Variants in LEKR1 observed in about 807,000 individuals in gnomAD.
LEKR1 encodes leucine, glutamate and lysine rich 1.
In LEKR1, 59 loss-of-function variants were observed where a neutral mutation model predicts 72.4. The ratio of observed to expected loss-of-function variants is 0.82; its 90% confidence interval spans 0.66 to 1.01. The LOEUF (loss-of-function observed/expected upper bound fraction) is 1.01, where lower values mean the gene tolerates loss of function less well. LEKR1 is among the 50% of genes least tolerant of loss of function. The probability of loss-of-function intolerance (pLI) is 0.00; values close to 1 mark genes in which losing one functional copy is unlikely to be tolerated. For missense variants in LEKR1, 728 were observed against 759.2 expected, an observed-to-expected ratio of 0.96 and a Z score of 0.48; for synonymous variants, 257 against 263.2, an observed-to-expected ratio of 0.98 and a Z score of 0.23.
At position 157,016,418 on chromosome 3, in the gene LEKR1, T is replaced by C. The variant is rs115001072; in HGVS notation, c.1203+4912T>C. Reference sequence around the variant, plus strand: ...CAATGCAAGCAAAAAGATAGTAGGATTGAAAGTACTAGAAGAAAGTTAGGG... The same window carrying C: ...CAATGCAAGCAAAAAGATAGTAGGACTGAAAGTACTAGAAGAAAGTTAGGG... On this transcript the variant is annotated intron_variant, in intron 10 of 12. Transcript: ENST00000356539. Among the ~76,000 whole-genome samples the C allele has an allele frequency of 3.6e-3, 545 of 152,098 alleles. 2 individuals are homozygous for C. The highest frequency in any genetic ancestry group is 0.013 in the African/African-American group (523 of 41,514).
intron 7 of LEKR1, among the ~76,000 whole-genome samples, chr3:156,984,943 A>T (rs568276615): frequency 6.2e-4 from 94 of 152,068 alleles, no homozygotes; most frequent in South Asian, 4.2e-4. Context: ...TTATTGAGAT[A>T]TAAATATCAG....
chr3:156,879,838 T>G (rs915416599), intron 3 of LEKR1, among the ~76,000 whole-genome samples: 1 of 152,196 alleles, frequency 6.6e-6, no homozygotes, highest in Non-Finnish European at 1.5e-5. Context: ...GCCCCAAGCC[T>G]TGGCAGCTTC....
chr3:156,863,669 G>A (rs1016633565), intron 3 of LEKR1, among the ~76,000 whole-genome samples: 1 of 152,016 alleles, frequency 6.6e-6, no homozygotes, highest in African/African-American at 2.4e-5. Context: ...AGATGGCTAA[G>A]CAAACACAAA....
At chr3:156,979,414 G>A in intron 7 of LEKR1, 139 bp downstream of exon 7, 4 of 357,124 alleles carry the variant, frequency 1.1e-5, no homozygotes, top group Admixed American at 1.1e-4. Context: ...ATTTACTGGT[G>A]TGGGTAATAG....
Position 156,942,688 on chromosome 3 carries a change from GCTATGATTTGC to G in LEKR1, c.720_730del (p.Cys240Ter). The G allele has an allele frequency of 8.0e-7, 1 of 1,255,028 alleles. No individual in the cohort carries two copies. Among genetic ancestry groups the G allele is most frequent in the Admixed American group, 2.9e-5 (1 of 34,868 alleles). The allele number at this position is 1,255,028 out of a possible 1,614,324, so 77.7% of individuals were successfully genotyped here. ...CAGGAAGTAAACTTGCAAACCAGAT[GCTATGATTTGC>G]AAAAAGAAGTACTAGGTAAAGAAAA... On this transcript the variant is annotated stop_gained and frameshift_variant, in exon 6 of 13. Transcript: ENST00000356539. LOFTEE classifies it high-confidence loss of function.
rs1422686542 is a variant in LEKR1, at chr3:156,972,107, A to G, written c.746-7087A>G. 2.0e-5 allele frequency among the ~76,000 whole-genome samples: 3 copies of G among 152,240 alleles called. No individual in the cohort carries two copies. The South Asian group carries it at 6.2e-4, about 31-fold the overall frequency. On this transcript the variant is annotated intron_variant, in intron 6 of 12. Transcript: ENST00000356539. ...GAACCAAGCCAAATGTCCAACTATT[A>G]TAGACTGGATTAAGAAAATATGGCA...
chr3:156,938,757 T>A (rs1421768248), intron 5 of LEKR1, among the ~76,000 whole-genome samples: 1 of 152,214 alleles, frequency 6.6e-6, no homozygotes, highest in African/African-American at 2.4e-5. Context: ...ATTATTGTAA[T>A]AAAACTGTGA....
At chr3:156,890,077 A>G (rs1439569063) in intron 3 of LEKR1, among the ~76,000 whole-genome samples, 2 of 152,196 alleles carry the variant, frequency 1.3e-5, no homozygotes, top group Non-Finnish European at 2.9e-5. Context: ...TGATGTTTAA[A>G]TATGATAGCT....
At chr3:156,880,039 G>A (rs554553081) in intron 3 of LEKR1, among the ~76,000 whole-genome samples, 4 of 152,326 alleles carry the variant, frequency 2.6e-5, no homozygotes, top group South Asian at 4.1e-4. Context: ...CCAACACAGA[G>A]TACCCACTGG....
intron 3 of LEKR1, among the ~76,000 whole-genome samples, chr3:156,869,906 T>G (rs1460543281): frequency 6.6e-6 from 1 of 152,042 alleles, no homozygotes; most frequent in Admixed American, 6.6e-5. Flanking sequence ...GGGGTCCAAT[T>G]TCATTCTCCT....
chr3:156,924,017 G>A (rs563061242), intron 4 of LEKR1, among the ~76,000 whole-genome samples: 92 of 152,176 alleles, frequency 6.0e-4, no homozygotes, highest in African/African-American at 1.8e-3. Flanking sequence ...GTGAGCTACC[G>A]CGCCCTGCCA....
intron 1 of LEKR1, among the ~76,000 whole-genome samples, chr3:156,829,077 A>G (rs1455676339): frequency 6.6e-6 from 1 of 152,244 alleles, no homozygotes; most frequent in Non-Finnish European, 1.5e-5. Context: ...CTAACTTAGC[A>G]GTCTCTATAG....
At chr3:156,908,024 T>C (rs974999398) in intron 3 of LEKR1, among the ~76,000 whole-genome samples, 2 of 152,100 alleles carry the variant, frequency 1.3e-5, no homozygotes, top group Non-Finnish European at 2.9e-5. Context: ...TTGTCTGATG[T>C]TTACTAATTA....
intron 5 of LEKR1, among the ~76,000 whole-genome samples, chr3:156,938,968 G>C (rs1725962665): frequency 6.6e-6 from 1 of 152,166 alleles, no homozygotes; most frequent in African/African-American, 2.4e-5. Context: ...AATTGTACTT[G>C]CGTTAGCTAG....
At chr3:157,043,499 T>A (rs936829638) in intron 12 of LEKR1, among the ~76,000 whole-genome samples, 1 of 152,138 alleles carries the variant, frequency 6.6e-6, no homozygotes, top group Non-Finnish European at 1.5e-5. Flanking sequence ...TCCCTGCATG[T>A]TTGACGTAAT....
At chr3:156,878,939 G>A (rs1718945133) in intron 3 of LEKR1, among the ~76,000 whole-genome samples, 1 of 151,990 alleles carries the variant, frequency 6.6e-6, no homozygotes, top group Non-Finnish European at 1.5e-5. Context: ...TGTGCCTTTT[G>A]CCTTTCGCTG....
chr3:156,902,877 T>C (rs1001506493), intron 3 of LEKR1, among the ~76,000 whole-genome samples: 1 of 152,028 alleles, frequency 6.6e-6, no homozygotes, highest in African/African-American at 2.4e-5. Flanking sequence ...AATTATACAG[T>C]TTAATATCCT....
chr3:157,028,597 C>T (rs754791363), intron 12 of LEKR1, among the ~76,000 whole-genome samples, 195 bp downstream of exon 12: 1 of 152,162 alleles, frequency 6.6e-6, no homozygotes, highest in Non-Finnish European at 1.5e-5. Context: ...AGTCACTTAG[C>T]CTCTCCAGAC....
intron 3 of LEKR1, among the ~76,000 whole-genome samples, chr3:156,859,783 T>C (rs369847397): frequency 3.5e-4 from 53 of 152,360 alleles, no homozygotes; most frequent in African/African-American, 1.2e-3. Flanking sequence ...TTATGCATCC[T>C]CCTTCCCCGT....
Sources: gnomAD v4.1 joint callset for allele counts (sites outside exome capture counted in the v4.1 genomes callset) on GRCh38, gnomAD v4.1.1 for gene constraint, MANE v1.5 for transcripts, NCBI Gene and HGNC (gene_info 2026-07-23, HGNC 2026-07-21) for gene names.